The following C8orf58 variants were observed in gnomAD, a reference collection of about 807,000 sequenced individuals.
C8orf58 encodes the protein chromosome 8 open reading frame 58.
In C8orf58, 31 loss-of-function variants were observed where a neutral mutation model predicts 36.8. That is an observed-to-expected ratio of 0.84 (90% CI 0.63 to 1.14). The LOEUF (loss-of-function observed/expected upper bound fraction) is 1.14, where lower values mean the gene tolerates loss of function less well. Among genes scored for constraint, C8orf58 ranks in the 50% most tolerant of loss-of-function variants. The pLI, the probability that C8orf58 is intolerant of heterozygous loss-of-function variation, is 0.00. For missense variants in C8orf58, 538 were observed against 480.8 expected (o/e 1.12, Z -1.11); for synonymous variants, 230 against 200.2 (o/e 1.15, Z -1.26).
intron 1 of C8orf58, 110 bp downstream of exon 1, chr8:22,599,870 C>G: frequency 1.3e-5 from 6 of 461,618 alleles, no homozygotes; most frequent in African/African-American, 2.1e-5. Context: ...GCGCACCCCG[C>G]GGGCGGAGCC....
chr8:22,602,641 C>A lies in C8orf58; in HGVS notation c.984C>A (p.Pro328=). ...EPPAPPDGSD[P]RIESRDLPER... ...CTGCCCCTCCTGATGGCTCTGACCC[C>A]AGGTGAGCCCCGTGCCCAGCCCAGG... is the stretch of plus-strand genomic sequence containing the variant. The change falls in exon 6 of 7, where the codon CCC becomes CCA. Residue 328 remains proline (P), a splice_region_variant and synonymous_variant. Transcript: ENST00000289989. 4.6e-6 allele frequency: 7 copies of A among 1,532,232 alleles called. No homozygotes were observed. Among genetic ancestry groups the A allele is most frequent in the Non-Finnish European group, 6.2e-6 (7 of 1,135,518 alleles). The allele number at this position is 1,532,232 out of a possible 1,614,324, so 94.9% of individuals were successfully genotyped here.
Position 22,601,750 on chromosome 8 carries a change from C to T in C8orf58, c.555C>T (p.Pro185=), listed in dbSNP as rs528754663. ...GGCCTGGAGCCTGGGCCTGCCTCCC[C>T]GGGCAGGGTCTTCGCTATCTGGAAC... ...GLGPGAWACL[P]GQGLRYLEHL... is the part of the protein sequence containing the mutation. Residue 185 remains proline (P), a synonymous_variant, in exon 3 of 7, where the codon CCC becomes CCT. Coordinates refer to ENST00000289989, the MANE Select transcript of C8orf58 (RefSeq NM_001013842.3). The T allele has an allele frequency of 4.8e-5, 78 of 1,611,942 alleles. No homozygotes were observed. The highest frequency in any genetic ancestry group is 3.7e-4 in the South Asian group (34 of 90,964).
In C8orf58 at chr8:22,603,437, G is replaced by A. The variant is rs774943203; in HGVS notation, c.*131G>A. Reference sequence around the variant, plus strand: ...GACGCCTGCCCTCCTCTCTTGAGTCGAGGGCTGAATCTTTCTCCTCTAAGC... The same window carrying A: ...GACGCCTGCCCTCCTCTCTTGAGTCAAGGGCTGAATCTTTCTCCTCTAAGC... On this transcript the variant is annotated 3_prime_UTR_variant, in exon 7 of 7. Coordinates refer to ENST00000289989, the MANE Select transcript of C8orf58 (RefSeq NM_001013842.3). 9.6e-6 allele frequency: 7 copies of A among 730,842 alleles called. No homozygotes were observed. Among genetic ancestry groups the A allele is most frequent in the South Asian group, 4.4e-5 (3 of 67,734 alleles). 45.3% of individuals were successfully genotyped at this position (730,842 alleles called of 1,614,324 possible). A position where few individuals can be genotyped will look rare whatever the true frequency, so the allele number is the denominator to read the frequency against.
chr8:22,603,264 AG>A lies in C8orf58; in HGVS notation c.1057del (p.Val353TrpfsTer12). ...PHRKTFMPSL[V>X]VKKQRAKNLS... ...ACCGGAAGACCTTTATGCCATCATT[AG>A]TGGTTAAGAAGCAACGAGCAAAAAA... On this transcript the variant is annotated frameshift_variant, in exon 7 of 7. Transcript: ENST00000289989. LOFTEE classifies it high-confidence loss of function. 6.2e-7 allele frequency: 1 copy of A among 1,613,966 alleles called. No individual in the cohort carries two copies. Among genetic ancestry groups the A allele is most frequent in the Non-Finnish European group, 8.5e-7 (1 of 1,180,000 alleles).
At chr8:22,600,583 C>A in intron 1 of C8orf58, 1 of 412,112 alleles carries the variant, frequency 2.4e-6, no homozygotes, top group East Asian at 4.7e-5. Flanking sequence ...GTGGGCTGAT[C>A]CTAGGTGGGA....
In C8orf58 at chr8:22,601,725, G is replaced by T. The variant is rs1253179768; in HGVS notation, c.530G>T (p.Gly177Val). Residue 177 changes from glycine to valine, a missense_variant, in exon 3 of 7, where the codon GGG (glycine) becomes GTG (valine). Gly to Val is a moderately radical substitution (Grantham distance 109, BLOSUM62 -3). Transcript: ENST00000289989. ...AATGTCCCACAGGTGGGGGGCCTGGGGCCTGGAGCCTGGGCCTGCCTCCCC... is the reference window on the plus strand; with the variant it reads ...AATGTCCCACAGGTGGGGGGCCTGGTGCCTGGAGCCTGGGCCTGCCTCCCC... ...GLEEEAVGGLGPGAWACLPGQ... is the reference protein window; with the variant it reads ...GLEEEAVGGLVPGAWACLPGQ... 6.2e-7 allele frequency: 1 copy of T among 1,610,408 alleles called. No individual in the cohort carries two copies. Among genetic ancestry groups the T allele is most frequent in the Admixed American group, 1.7e-5 (1 of 59,662 alleles).
chr8:22,603,984 G>A lies in C8orf58; in HGVS notation c.*678G>A, dbSNP rs1470266350. ...CTCAGCTTCTCTGCTCCGTACTAGC[G>A]TTTACAGGTCTTAATTCAAACCAGA... On this transcript the variant is annotated 3_prime_UTR_variant, in exon 7 of 7. Coordinates refer to ENST00000289989, the MANE Select transcript of C8orf58 (RefSeq NM_001013842.3). The A allele has an allele frequency of 6.3e-6, 1 of 159,490 alleles. No individual in the cohort carries two copies. The highest frequency in any genetic ancestry group is 2.4e-5 in the African/African-American group (1 of 41,480). 9.9% of individuals were successfully genotyped at this position (159,490 alleles called of 1,614,324 possible).
Position 22,601,168 on chromosome 8 carries a change from G to C in C8orf58, c.327G>C (p.Leu109=). The C allele has an allele frequency of 6.2e-7, 1 of 1,610,140 alleles. No homozygotes were observed. The highest frequency in any genetic ancestry group is 8.5e-7 in the Non-Finnish European group (1 of 1,178,892). The change falls in exon 2 of 7, where the codon CTG becomes CTC. Residue 109 remains leucine (L), a synonymous_variant. Coordinates refer to ENST00000289989, the MANE Select transcript of C8orf58 (RefSeq NM_001013842.3). ...CCCCCGCCCAGGTAGGCCGACTCCT[G>C]GCCAGCCAGAAGCTGGGGGAGGTGT... The part of the protein sequence containing the change: ...SEPPAQVGRL[L]ASQKLGEVLE...
In C8orf58 at chr8:22,601,286, C is replaced by T. The variant is rs1586938366; in HGVS notation, c.445C>T (p.Pro149Ser). The change falls in exon 2 of 7, where the codon CCC (proline) becomes TCC (serine). Residue 149 changes from proline (P) to serine (S), a missense_variant. Coordinates refer to ENST00000289989, the MANE Select transcript of C8orf58 (RefSeq NM_001013842.3). ...RLASKPEREVPLGAGQQESME... is the reference protein window; with the variant it reads ...RLASKPEREVSLGAGQQESME... ...GGCAAGCAAGCCTGAGCGTGAAGTG[C>T]CCCTTGGAGCAGGGCAACAGGAGTC... The T allele has an allele frequency of 6.2e-7, 1 of 1,608,340 alleles. No homozygotes were observed. Among genetic ancestry groups the T allele is most frequent in the Non-Finnish European group, 8.5e-7 (1 of 1,177,016 alleles).
chr8:22,603,512 C>A lies in C8orf58; in HGVS notation c.*206C>A. The A allele has an allele frequency of 3.3e-6, 2 of 609,674 alleles. No homozygotes were observed. The highest frequency in any genetic ancestry group is 5.2e-5 in the Admixed American group (2 of 38,528). 37.8% of individuals were successfully genotyped at this position (609,674 alleles called of 1,614,324 possible). On this transcript the variant is annotated 3_prime_UTR_variant, in exon 7 of 7. Coordinates refer to ENST00000289989, the MANE Select transcript of C8orf58 (RefSeq NM_001013842.3). ...TTGAGAGGCCCCCAAGATGCCGCAG[C>A]TCCAGGGCTCTTCCTCCTCACCAGA...
rs748753273 is a variant in C8orf58 at position 22,601,843 on chromosome 8, G to GC, written c.653dup (p.Gly219ArgfsTer100). 4 of 1,604,782 alleles carry GC rather than the reference G, an allele frequency of 2.5e-6. No homozygotes were observed. The South Asian group carries it at 4.4e-5, about 18-fold the overall frequency. ...TCTACCTGCAGCTGCGGATCCAGAG[G>GC]CCCCCAGGGGTGAGTGAGATTCGAG... On this transcript the variant is annotated frameshift_variant, in exon 3 of 7. Coordinates refer to ENST00000289989, the MANE Select transcript of C8orf58 (RefSeq NM_001013842.3). LOFTEE classifies it high-confidence loss of function.
In C8orf58 at chr8:22,601,063, A is replaced by G. The variant is rs762380807; in HGVS notation, c.222A>G (p.Ala74=). ...LASRDSGVEM[A]VGDSPLAALP... ...CCCGGGACTCAGGAGTGGAGATGGC[A>G]GTTGGGGACAGCCCCCTGGCCGCCT... Residue 74 remains alanine (A), a synonymous_variant, in exon 2 of 7, where the codon GCA becomes GCG. Transcript: ENST00000289989. 1 of 1,612,774 alleles carries G rather than the reference A, an allele frequency of 6.2e-7. No homozygotes were observed. Among genetic ancestry groups the G allele is most frequent in the South Asian group, 1.1e-5 (1 of 91,072 alleles).
chr8:22,601,957 C>T lies in C8orf58; in HGVS notation c.658-15C>T. 5 of 1,546,150 alleles carry T rather than the reference C, an allele frequency of 3.2e-6. No homozygotes were observed. Among genetic ancestry groups the T allele is most frequent in the Non-Finnish European group, 4.4e-6 (5 of 1,143,074 alleles). On this transcript the variant is annotated splice_polypyrimidine_tract_variant and intron_variant, in intron 3 of 6. Transcript: ENST00000289989. ...CTCTAGCCAGGCCCTGATCACCTGT[C>T]TCTCCTGTGCATAGGATCCCGGCGA...
At chr8:22,602,772 G>T in intron 6 of C8orf58, 129 bp downstream of exon 6, 1 of 638,644 alleles carries the variant, frequency 1.6e-6, no homozygotes. Flanking sequence ...GGGGCTGCTA[G>T]AAGAAACAGT....
chr8:22,600,733 G>A lies in C8orf58; in HGVS notation c.41-149G>A, dbSNP rs948139725. 13 of 639,560 alleles carry A rather than the reference G, an allele frequency of 2.0e-5. No homozygotes were observed. The African/African-American group carries it at 2.2e-4, about 11-fold the overall frequency. 39.6% of individuals were successfully genotyped at this position (639,560 alleles called of 1,614,324 possible). A position where few individuals can be genotyped will look rare whatever the true frequency, so the allele number is the denominator to read the frequency against. On this transcript the variant is annotated intron_variant, in intron 1 of 6. Coordinates refer to ENST00000289989, the MANE Select transcript of C8orf58 (RefSeq NM_001013842.3). ...CATCCACACATCTCCCAGACAGCTG[G>A]GGCCATATCCGGGCTGCCCGTGGCT...
Position 22,603,366 on chromosome 8 carries a change from C to T in C8orf58, c.*60C>T. 1.7e-6 allele frequency: 2 copies of T among 1,168,004 alleles called. No individual in the cohort carries two copies. Among genetic ancestry groups the T allele is most frequent in the Non-Finnish European group, 2.6e-6 (2 of 775,678 alleles). The allele number at this position is 1,168,004 out of a possible 1,614,324, so 72.4% of individuals were successfully genotyped here. On this transcript the variant is annotated 3_prime_UTR_variant, in exon 7 of 7. Transcript: ENST00000289989. ...GGGACTTGCTGTGAAGTCTTCCTCGCCCTCTGCCCTCTTGCTGCTTCTCCA... is the reference window on the plus strand; with the variant it reads ...GGGACTTGCTGTGAAGTCTTCCTCGTCCTCTGCCCTCTTGCTGCTTCTCCA...
chr8:22,602,860 C>G (rs142210975), intron 6 of C8orf58: 2 of 577,632 alleles, frequency 3.5e-6, no homozygotes, highest in South Asian at 4.5e-5. Context: ...CAAAGCCGCA[C>G]GGTGAGTCAG....
Position 22,599,697 on chromosome 8 carries a change from C to T in C8orf58, c.-24C>T. ...GGGATCCTCGGGCGGCTGCATTGGC[C>T]GGGGCCGGGGCCGGGAGCGGGCCAT... On this transcript the variant is annotated 5_prime_UTR_variant, in exon 1 of 7. Coordinates refer to ENST00000289989, the MANE Select transcript of C8orf58 (RefSeq NM_001013842.3). 3 of 1,200,406 alleles carry T rather than the reference C, an allele frequency of 2.5e-6. No individual in the cohort carries two copies. Among genetic ancestry groups the T allele is most frequent in the Admixed American group, 8.7e-5 (2 of 23,026 alleles). The allele number at this position is 1,200,406 out of a possible 1,614,324, so 74.4% of individuals were successfully genotyped here. A position where few individuals can be genotyped will look rare whatever the true frequency, so the allele number is the denominator to read the frequency against.
intron 5 of C8orf58, 83 bp from the exon 6 acceptor site, chr8:22,602,454 C>A: frequency 7.3e-7 from 1 of 1,361,588 alleles, no homozygotes; most frequent in Non-Finnish European, 1.0e-6. Flanking sequence ...CTTGTCCTGG[C>A]TGTGGCGACA....
Sources: allele counts gnomAD v4.1 joint callset, GRCh38; gene constraint gnomAD v4.1.1; transcripts MANE v1.5; gene names NCBI Gene and HGNC (gene_info 2026-07-23, HGNC 2026-07-21).